The following ZNF831 variants were observed in gnomAD, a reference collection of about 807,000 sequenced individuals.
The protein encoded by ZNF831 is chromosome 20 open reading frame 174.
Under a neutral mutation model 95.8 loss-of-function variants are expected in ZNF831, and 59 were observed. That is an observed-to-expected ratio of 0.62 (90% confidence interval 0.50 to 0.77). The LOEUF (loss-of-function observed/expected upper bound fraction) is 0.77, where lower values mean the gene tolerates loss of function less well. ZNF831 is among the 30% of genes least tolerant of loss of function. The probability of loss-of-function intolerance (pLI) is 0.00; values close to 1 mark genes in which losing one functional copy is unlikely to be tolerated. For synonymous variants in ZNF831, 961 were observed against 925.5 expected (o/e 1.04, Z -0.70); for missense variants, 2,205 against 2,164.0 (o/e 1.02, Z -0.38).
At chr20:59,162,364 T>G (rs1243633690), upstream of ZNF831, among the ~76,000 whole-genome samples, 3 of 152,216 alleles carry the variant, frequency 2.0e-5, no homozygotes, top group Admixed American at 6.5e-5. Context: ...CTTGGTTTTC[T>G]TGTAGGATTT....
intron 3 of ZNF831, 80 bp downstream of exon 3, chr20:59,196,085 C>T: frequency 2.6e-6 from 4 of 1,540,460 alleles, no homozygotes; most frequent in Non-Finnish European, 2.6e-6. Context: ...TATCCGTGTG[C>T]TCCAGAGAAA....
At chr20:59,215,607 G>A (rs1985625262) in intron 4 of ZNF831, among the ~76,000 whole-genome samples, 1 of 152,250 alleles carries the variant, frequency 6.6e-6, no homozygotes, top group Non-Finnish European at 1.5e-5. Context: ...GAGGCTTAGA[G>A]AGTTGTCCAG....
chr20:59,230,905 G>C (rs1452073799), intron 4 of ZNF831, among the ~76,000 whole-genome samples: 1 of 152,180 alleles, frequency 6.6e-6, no homozygotes, highest in Admixed American at 6.5e-5. Context: ...AATAACCACC[G>C]GGTGAGAGCA....
rs765136934 is a variant in ZNF831, at chr20:59,192,093, G to C, written c.1074G>C (p.Ala358=). The C allele has an allele frequency of 6.3e-7, 1 of 1,597,422 alleles. No homozygotes were observed. The highest frequency in any genetic ancestry group is 8.5e-7 in the Non-Finnish European group (1 of 1,175,570). Residue 358 remains alanine (A), a synonymous_variant, in exon 2 of 6, where the codon GCG becomes GCC. Transcript: ENST00000371030. This position sits in a 1 kb window ranked among gnomAD's most constrained non-coding sequence, Gnocchi z 5.2. ...SRSDSAEQPH[A]PCSPLHSLSE... is the part of the protein sequence containing the mutation. ...CCGACAGCGCGGAGCAGCCGCATGC[G>C]CCCTGCAGCCCCCTGCACAGCCTTT... is the stretch of plus-strand genomic sequence containing the variant.
In ZNF831 at chr20:59,231,047, A is replaced by G. The variant is rs191557051; in HGVS notation, c.4028-21931A>G. Among the ~76,000 whole-genome samples the G allele has an allele frequency of 9.3e-3, 1,409 of 152,262 alleles. 27 individuals carry two copies. Among genetic ancestry groups the G allele is most frequent in the Non-Finnish European group, 8.4e-3 (568 of 68,018 alleles). On this transcript the variant is annotated intron_variant, in intron 4 of 5. Transcript: ENST00000371030. The stretch of plus-strand genomic sequence containing the variant: ...AAGGATGGCTGCTCCAGCTCCTGCC[A>G]TTAGATCGGCATTCCAGCTGAAAGA...
intron 3 of ZNF831, among the ~76,000 whole-genome samples, chr20:59,202,337 TTTA>T (rs1396673755): frequency 6.8e-6 from 1 of 146,230 alleles, no homozygotes; most frequent in African/African-American, 2.6e-5. Context: ...TTTTTTTTTT[TTTA>T]AAAAAAAAAA....
At chr20:59,171,660 A>G (rs1376101450) in intron 1 of ZNF831, among the ~76,000 whole-genome samples, 1 of 152,276 alleles carries the variant, frequency 6.6e-6, no homozygotes, top group African/African-American at 2.4e-5. Context: ...TAACTCATAT[A>G]TAAAAATTTA....
chr20:59,242,715 C>T (rs559025582), intron 4 of ZNF831, among the ~76,000 whole-genome samples: 1 of 152,252 alleles, frequency 6.6e-6, no homozygotes, highest in East Asian at 1.9e-4. Context: ...AAGAGAAGTA[C>T]CCTGGTATGG....
intron 1 of ZNF831, among the ~76,000 whole-genome samples, chr20:59,174,694 C>G (rs1982002036): frequency 6.6e-6 from 1 of 152,008 alleles, no homozygotes; most frequent in Non-Finnish European, 1.5e-5. Flanking sequence ...TGTATGTGCA[C>G]TCCAGCCTGG....
chr20:59,156,130 C>A (rs1433366213), intron 2 of ZNF831, among the ~76,000 whole-genome samples: 1 of 152,236 alleles, frequency 6.6e-6, no homozygotes, highest in Non-Finnish European at 1.5e-5. Context: ...GTGAGACCAT[C>A]AGCACCATTA....
chr20:59,145,355 TA>T (rs1283004428), intron 1 of ZNF831, among the ~76,000 whole-genome samples: 2 of 152,342 alleles, frequency 1.3e-5, no homozygotes, highest in Non-Finnish European at 2.9e-5. Context: ...TTTAAGGTCT[TA>T]CCCTTTTTGA....
At chr20:59,218,284 C>A (rs1257965078) in intron 4 of ZNF831, among the ~76,000 whole-genome samples, 1 of 152,148 alleles carries the variant, frequency 6.6e-6, no homozygotes, top group Non-Finnish European at 1.5e-5. Flanking sequence ...AGCAGTGTTT[C>A]TTTTTTCAAG....
In ZNF831 at chr20:59,217,162, C is replaced by CTG. The variant is rs201079519; in HGVS notation, c.4027+10138_4027+10139dup. 0.074 allele frequency among the ~76,000 whole-genome samples: 10,946 copies of CTG among 148,614 alleles called. 518 individuals are homozygous for CTG. The highest frequency in any genetic ancestry group is 0.19 in the East Asian group (959 of 4,998). On this transcript the variant is annotated intron_variant, in intron 4 of 5. Transcript: ENST00000371030. This position sits in a 1 kb window ranked among gnomAD's most constrained non-coding sequence, Gnocchi z 4.4. ...GAGTACATCTGACAGATCTTCATCT[C>CTG]TGTGTGTGTGTGTGTGTGTGTGTGT...
chr20:59,158,928 C>T (rs1452027901), upstream of ZNF831, among the ~76,000 whole-genome samples: 2 of 152,098 alleles, frequency 1.3e-5, no homozygotes, highest in Non-Finnish European at 2.9e-5. Context: ...AAGTAAACTC[C>T]AGACTTTATG....
At chr20:59,133,362 C>G (rs1392604338) in intron 1 of ZNF831, among the ~76,000 whole-genome samples, 2 of 151,792 alleles carry the variant, frequency 1.3e-5, no homozygotes, top group Non-Finnish European at 2.9e-5. Flanking sequence ...TGCATGACGT[C>G]CATAGGATCA....
At chr20:59,216,167 A>G (rs1985667286) in intron 4 of ZNF831, among the ~76,000 whole-genome samples, 2 of 152,164 alleles carry the variant, frequency 1.3e-5, no homozygotes, top group African/African-American at 2.4e-5. Flanking sequence ...TTGGAGAGCC[A>G]TACCCCCTTT....
intron 2 of ZNF831, among the ~76,000 whole-genome samples, chr20:59,152,628 A>G (rs1426185332): frequency 6.6e-6 from 1 of 152,024 alleles, no homozygotes; most frequent in East Asian, 1.9e-4. Context: ...GCTGTGATGA[A>G]CTCTGGGGAA....
chr20:59,258,037 CCTT>C lies in ZNF831; in HGVS notation c.*3298_*3300del, dbSNP rs1988262006. 6.6e-6 allele frequency: 1 copy of C among 152,154 alleles called. No homozygotes were observed. Among genetic ancestry groups the C allele is most frequent in the Non-Finnish European group, 1.5e-5 (1 of 68,030 alleles). The allele number at this position is 152,154 out of a possible 1,614,324, so 9.4% of individuals were successfully genotyped here. On this transcript the variant is annotated 3_prime_UTR_variant, in exon 6 of 6. Transcript: ENST00000371030. ...ATTTTTGGTGGACAACTGGAATCCT[CCTT>C]CTTGTAAAACACATTGAAAAACAGC...
At chr20:59,153,377 G>C (rs557510504) in intron 2 of ZNF831, among the ~76,000 whole-genome samples, 5 of 152,230 alleles carry the variant, frequency 3.3e-5, no homozygotes, top group Non-Finnish European at 4.4e-5. Context: ...CCCGATTTCT[G>C]TTTGTCCCTC....
Sources: allele counts gnomAD v4.1 joint callset (sites outside exome capture counted in the v4.1 genomes callset), GRCh38; gene constraint gnomAD v4.1.1; non-coding constraint Gnocchi (gnomAD v3.1); transcripts MANE v1.5; gene names NCBI Gene and HGNC (gene_info 2026-07-23, HGNC 2026-07-21).